Variants in HPN observed in about 807,000 individuals in gnomAD.
HPN encodes hepsin.
A neutral mutation model predicts 55.9 loss-of-function variants in HPN; 13 were observed. That is an observed-to-expected ratio of 0.23 (90% confidence interval 0.15 to 0.37). The LOEUF (loss-of-function observed/expected upper bound fraction) is 0.37. Among genes scored for constraint, HPN ranks in the 10% least tolerant of loss-of-function variants. The pLI is 1.00. For synonymous variants in HPN, 225 were observed against 240.3 expected, an observed-to-expected ratio of 0.94 and a Z score of 0.59; for missense variants, 451 against 575.8, an observed-to-expected ratio of 0.78 and a Z score of 2.22.
intron 4 of HPN, among the ~76,000 whole-genome samples, chr19:35,050,914 C>CTTTTTTTTTTTTTTTTTTTTTTTTTCTT (rs5827917): frequency 1.1e-5 from 1 of 90,442 alleles, no homozygotes; most frequent in African/African-American, 4.4e-5. Flanking sequence ...TTCTTTCTTT[C>CTTTTTTTTTTTTTTTTTTTTTTTTTCTT]TTTTTTTTTT....
At chr19:35,065,743 G>T in intron 11 of HPN, 62 bp downstream of exon 11, 1 of 1,607,100 alleles carries the variant, frequency 6.2e-7, no homozygotes, top group Non-Finnish European at 8.5e-7. Flanking sequence ...AGATGCAGGG[G>T]AGTGGGTGGT....
upstream of HPN, chr19:35,041,557 C>G (rs921721832): frequency 1.3e-4 from 120 of 906,192 alleles, no homozygotes; most frequent in Non-Finnish European, 1.5e-4. Flanking sequence ...ACAGGCACAC[C>G]TGGGTCCCCC....
chr19:35,059,606 G>A (rs1329735567), intron 4 of HPN, 67 bp from the exon 5 acceptor site: 19 of 1,543,980 alleles, frequency 1.2e-5, no homozygotes, highest in African/African-American at 2.7e-5. Context: ...GAGGGGCTCC[G>A]GCTGGGGAAG....
At chr19:35,058,571 A>G (rs990752854) in intron 4 of HPN, among the ~76,000 whole-genome samples, 1 of 147,256 alleles carries the variant, frequency 6.8e-6, no homozygotes, top group East Asian at 2.0e-4. Context: ...TATTAATATT[A>G]TATTATAATA....
At chr19:35,042,098 T>C in intron 1 of HPN, 3 of 1,114,700 alleles carry the variant, frequency 2.7e-6, no homozygotes, top group Non-Finnish European at 3.3e-6. Context: ...GTTCCAGCCC[T>C]CAGGCCCCTC....
At chr19:35,047,269 C>T (rs980998063) in intron 2 of HPN, among the ~76,000 whole-genome samples, 28 of 152,270 alleles carry the variant, frequency 1.8e-4, no homozygotes, top group African/African-American at 6.7e-4. Flanking sequence ...TCTCGATGGC[C>T]TCTCCAGCCT....
Position 35,060,477 on chromosome 19 carries a change from G to T in HPN, c.585G>T (p.Gly195=). ...TCTGTGGGGGATCCCTGCTCTCCGG[G>T]GACTGGGTGCTGACAGCCGCCCACT... is the stretch of plus-strand genomic sequence containing the variant. ...AHLCGGSLLS[G]DWVLTAAHCF... is the part of the protein sequence containing the mutation. Residue 195 remains glycine, a synonymous_variant, in exon 8 of 13, where the codon GGG becomes GGT. Coordinates refer to ENST00000672452, the MANE Select transcript of HPN (RefSeq NM_001384133.1). The T allele has an allele frequency of 6.2e-7, 1 of 1,613,324 alleles. No individual in the cohort carries two copies.
intron 4 of HPN, among the ~76,000 whole-genome samples, chr19:35,054,175 G>C (rs1415192732): frequency 1.3e-5 from 2 of 152,104 alleles, no homozygotes; most frequent in African/African-American, 4.8e-5. Context: ...CCCAGCACTT[G>C]GGGAGGCCAA....
At position 35,045,475 on chromosome 19, in the gene HPN, C is replaced by G. The variant is rs2064332752; in HGVS notation, c.16+2953C>G. On this transcript the variant is annotated intron_variant, in intron 2 of 12. Transcript: ENST00000672452. ...AGCCAAAGGTGTTACGCGTGGGGGT[C>G]TTTGCAGCCAAATGGTGGAGGCGGA... Among the ~76,000 whole-genome samples, 3 of 152,006 alleles carry G rather than the reference C, an allele frequency of 2.0e-5. No individual in the cohort carries two copies. The South Asian group carries it at 6.2e-4, about 32-fold the overall frequency.
chr19:35,057,128 A>AT (rs1451975213), intron 4 of HPN, among the ~76,000 whole-genome samples: 1 of 152,168 alleles, frequency 6.6e-6, no homozygotes. Context: ...GGGGCTTTAA[A>AT]ATGTTATCAG....
At chr19:35,045,471 G>A (rs1239219164) in intron 2 of HPN, among the ~76,000 whole-genome samples, 1 of 152,154 alleles carries the variant, frequency 6.6e-6, no homozygotes, top group African/African-American at 2.4e-5. Context: ...TTACGCGTGG[G>A]GGTCTTTGCA....
chr19:35,046,936 C>T (rs1487400886), intron 2 of HPN, among the ~76,000 whole-genome samples: 4 of 152,176 alleles, frequency 2.6e-5, no homozygotes, highest in African/African-American at 9.7e-5. Context: ...TCAAGCCATT[C>T]TCCTGCCTCA....
At chr19:35,049,059 C>T (rs374954663) in intron 2 of HPN, among the ~76,000 whole-genome samples, 2 of 152,182 alleles carry the variant, frequency 1.3e-5, no homozygotes, top group African/African-American at 4.8e-5. Context: ...GCAGGTGGCC[C>T]GGCCATGCCC....
Position 35,060,429 on chromosome 19 carries a change from C to A in HPN, c.537C>A (p.Ser179Arg). The change falls in exon 8 of 13, where the codon AGC becomes AGA. Residue 179 changes from serine to arginine, a missense_variant. Physicochemically the swap from Ser to Arg is moderately radical, Grantham distance 110. This residue lies in a region of HPN where 378 missense variants were observed against 445.5 expected (regional missense o/e 0.85). Transcript: ENST00000672452. ...TGGGCCGGTGGCCGTGGCAAGTCAGCCTTCGCTATGATGGAGCACACCTCT... is the reference window on the plus strand; with the variant it reads ...TGGGCCGGTGGCCGTGGCAAGTCAGACTTCGCTATGATGGAGCACACCTCT... ...TSLGRWPWQVSLRYDGAHLCG... is the reference protein window; with the variant it reads ...TSLGRWPWQVRLRYDGAHLCG... The A allele has an allele frequency of 6.2e-7, 1 of 1,613,320 alleles. No individual in the cohort carries two copies. Among genetic ancestry groups the A allele is most frequent in the South Asian group, 1.1e-5 (1 of 91,084 alleles).
At position 35,060,433 on chromosome 19, in the gene HPN, C is replaced by T. The variant is rs147075058; in HGVS notation, c.541C>T (p.Arg181Cys). The T allele has an allele frequency of 3.7e-6, 6 of 1,613,400 alleles. No homozygotes were observed. In the East Asian group the frequency reaches 6.7e-5, roughly 18 times the overall value. ...LGRWPWQVSL[R>C]YDGAHLCGGS... is the part of the protein sequence containing the mutation. ...CCGGTGGCCGTGGCAAGTCAGCCTT[C>T]GCTATGATGGAGCACACCTCTGTGG... Residue 181 changes from arginine to cysteine, a missense_variant, in exon 8 of 13, where the codon CGC (arginine) becomes TGC (cysteine). Arg to Cys is a radical substitution (Grantham distance 180). Around this residue, in one of 2 missense-constraint regions of HPN, gnomAD observed 378 missense variants for 445.5 expected, o/e 0.85. Coordinates refer to ENST00000672452, the MANE Select transcript of HPN (RefSeq NM_001384133.1).
At chr19:35,045,778 A>G (rs555847938) in intron 2 of HPN, among the ~76,000 whole-genome samples, 1 of 151,614 alleles carries the variant, frequency 6.6e-6, no homozygotes, top group African/African-American at 2.4e-5. Context: ...CGTGGGCCAG[A>G]TGAGGATGCT....
Position 35,065,281 on chromosome 19 carries a change from C to G in HPN, c.843C>G (p.Ala281=), listed in dbSNP as rs199890888. ...EYIQPVCLPA[A]GQALVDGKIC... is the part of the protein sequence containing the mutation. Reference sequence around the variant, plus strand: ...TCCAGCCTGTGTGCCTCCCAGCTGCCGGCCAGGCCCTGGTGGATGGCAAGA... The same window carrying G: ...TCCAGCCTGTGTGCCTCCCAGCTGCGGGCCAGGCCCTGGTGGATGGCAAGA... The change falls in exon 10 of 13, where the codon GCC becomes GCG. Residue 281 remains alanine, a synonymous_variant. Coordinates refer to ENST00000672452, the MANE Select transcript of HPN (RefSeq NM_001384133.1). 3.7e-6 allele frequency: 6 copies of G among 1,613,914 alleles called. No individual in the cohort carries two copies. Among genetic ancestry groups the G allele is most frequent in the Non-Finnish European group, 5.1e-6 (6 of 1,179,866 alleles).
rs528843708 is a variant in HPN, at chr19:35,052,389, G to A, written c.160+2873G>A. 1.6e-3 allele frequency among the ~76,000 whole-genome samples: 240 copies of A among 152,136 alleles called. 1 individual carries two copies. The highest frequency in any genetic ancestry group is 5.6e-3 in the African/African-American group (231 of 41,498). ...CTAAAAACACAAAAATTGGCCAGGCGTGGTGGCGGGCGCCTGTAATCCCAG... is the reference window on the plus strand; with the variant it reads ...CTAAAAACACAAAAATTGGCCAGGCATGGTGGCGGGCGCCTGTAATCCCAG... On this transcript the variant is annotated intron_variant, in intron 4 of 12. Transcript: ENST00000672452.
chr19:35,053,803 T>A (rs1568358987), intron 4 of HPN, among the ~76,000 whole-genome samples: 1 of 150,086 alleles, frequency 6.7e-6, no homozygotes, highest in South Asian at 2.2e-4. Context: ...CCCGCCCCAG[T>A]TGGTGTTTCA....
Sources: allele counts gnomAD v4.1 joint callset (sites outside exome capture counted in the v4.1 genomes callset), GRCh38; gene constraint gnomAD v4.1.1; regional missense constraint gnomAD v4.1.1; transcripts MANE v1.5; gene names NCBI Gene and HGNC (gene_info 2026-07-23, HGNC 2026-07-21).